Variants in ARHGAP42 observed in about 807,000 individuals in gnomAD.
ARHGAP42 encodes the protein rho GTPase-activating protein 42.
A neutral mutation model predicts 125.0 loss-of-function variants in ARHGAP42; 63 were observed. The observed-to-expected ratio is 0.50, with a 90% confidence interval of 0.41 to 0.62. The LOEUF is 0.62. Ranked by LOEUF, ARHGAP42 falls within the 20% of genes least tolerant of loss-of-function variation. ARHGAP42 has a pLI of 0.00. For synonymous variants in ARHGAP42, 339 were observed against 351.0 expected (o/e 0.97, Z 0.38); for missense variants, 766 against 1,024.2 (o/e 0.75, Z 3.44).
intron 1 of ARHGAP42, among the ~76,000 whole-genome samples, chr11:100,711,697 C>T (rs1861567840): frequency 1.3e-5 from 2 of 152,158 alleles, no homozygotes; most frequent in Non-Finnish European, 2.9e-5. Context: ...GAATATTTAT[C>T]CACAACCAAA....
At chr11:100,755,609 A>C (rs1051561264) in intron 1 of ARHGAP42, among the ~76,000 whole-genome samples, 5 of 152,184 alleles carry the variant, frequency 3.3e-5, no homozygotes, top group Non-Finnish European at 5.9e-5. Context: ...GCTGGTAGCC[A>C]TTGTCAGCTC....
At chr11:100,843,509 A>G (rs1864989481) in intron 3 of ARHGAP42, among the ~76,000 whole-genome samples, 1 of 152,134 alleles carries the variant, frequency 6.6e-6, no homozygotes, top group Non-Finnish European at 1.5e-5. Context: ...GAAGAAATCA[A>G]ACTGCCACTG....
intron 17 of ARHGAP42, among the ~76,000 whole-genome samples, chr11:100,969,534 C>T (rs1372656127): frequency 6.6e-6 from 1 of 152,002 alleles, no homozygotes; most frequent in East Asian, 1.9e-4. Flanking sequence ...GATGATCTAT[C>T]TTTCTTTATT....
chr11:100,867,852 A>T (rs1366664888), intron 4 of ARHGAP42, among the ~76,000 whole-genome samples: 2 of 152,176 alleles, frequency 1.3e-5, no homozygotes, highest in African/African-American at 4.8e-5. Flanking sequence ...TTTCAGTTGA[A>T]TACTTGGAAG....
intron 8 of ARHGAP42, 150 bp downstream of exon 8, chr11:100,936,482 C>A: frequency 9.0e-7 from 1 of 1,110,450 alleles, no homozygotes; most frequent in Non-Finnish European, 1.3e-6. Flanking sequence ...AAAGTGAGGA[C>A]GTTTTTCCGC....
At chr11:100,759,846 A>C (rs1862661891) in intron 1 of ARHGAP42, among the ~76,000 whole-genome samples, 1 of 152,158 alleles carries the variant, frequency 6.6e-6, no homozygotes, top group Non-Finnish European at 1.5e-5. Context: ...CCTTCTCCCC[A>C]ATTTTCAAAT....
chr11:100,760,772 G>A (rs1862683087), intron 1 of ARHGAP42, among the ~76,000 whole-genome samples: 1 of 152,070 alleles, frequency 6.6e-6, no homozygotes, highest in Non-Finnish European at 1.5e-5. Flanking sequence ...AAGAAGGACA[G>A]GATGGAGAAA....
At chr11:100,889,636 G>C (rs1322638600) in intron 4 of ARHGAP42, among the ~76,000 whole-genome samples, 2 of 152,174 alleles carry the variant, frequency 1.3e-5, no homozygotes, top group Non-Finnish European at 2.9e-5. Context: ...TAAGTGATCT[G>C]TTGGACACCC....
rs117618196 is a variant in ARHGAP42 at position 100,743,065 on chromosome 11, A to G, written c.155-27278A>G. Among the ~76,000 whole-genome samples the G allele has an allele frequency of 4.9e-4, 74 of 152,286 alleles. 2 individuals carry two copies. The East Asian group carries it at 0.01, about 21-fold the overall frequency. On this transcript the variant is annotated intron_variant, in intron 1 of 23. Coordinates refer to ENST00000298815, the MANE Select transcript of ARHGAP42 (RefSeq NM_152432.4). ...TAAGTGGAGCATTTAGGCCATTTAT[A>G]TTCAATATAAATATTGGGACTTGGA...
chr11:100,829,020 C>G (rs1209929069), intron 3 of ARHGAP42, among the ~76,000 whole-genome samples: 1 of 152,156 alleles, frequency 6.6e-6, no homozygotes, highest in African/African-American at 2.4e-5. Flanking sequence ...GGGCCTTATG[C>G]AAAGAGGAAT....
chr11:100,976,130 A>G lies in ARHGAP42; in HGVS notation c.1929A>G (p.Glu643=). 6.4e-7 allele frequency: 1 copy of G among 1,551,596 alleles called. No individual in the cohort carries two copies. The highest frequency in any genetic ancestry group is 8.7e-7 in the Non-Finnish European group (1 of 1,146,816). ...AGTCACTCTCTTCTCATTCCTCTGA[A>G]CAAAATAGCACTACAAAGTCAGCTT... The part of the protein sequence containing the change: ...SIESLSSHSS[E]QNSTTKSASC... Residue 643 remains glutamate (E), a synonymous_variant, in exon 20 of 24, where the codon GAA becomes GAG. Coordinates refer to ENST00000298815, the MANE Select transcript of ARHGAP42 (RefSeq NM_152432.4).
intron 4 of ARHGAP42, among the ~76,000 whole-genome samples, chr11:100,890,079 C>G (rs1444739334): frequency 6.6e-6 from 1 of 152,176 alleles, no homozygotes; most frequent in Non-Finnish European, 1.5e-5. Context: ...AAGGGAAGAT[C>G]ACTAGCTGAG....
intron 4 of ARHGAP42, among the ~76,000 whole-genome samples, chr11:100,910,616 G>C (rs927144774): frequency 1.4e-5 from 2 of 143,428 alleles, no homozygotes; most frequent in South Asian, 4.3e-4. Flanking sequence ...CAAGAGACAA[G>C]AGGTAGCTAT....
chr11:100,973,073 T>C (rs1858295319), intron 17 of ARHGAP42, 102 bp from the exon 18 acceptor site: 1 of 1,045,968 alleles, frequency 9.6e-7, no homozygotes, highest in Admixed American at 3.1e-5. Flanking sequence ...TTCCCTATAA[T>C]GGCATATTTT....
At chr11:100,816,845 C>T (rs1240610404) in intron 3 of ARHGAP42, 1 of 152,166 alleles carries the variant, frequency 6.6e-6, no homozygotes, top group African/African-American at 2.4e-5. Flanking sequence ...AGACAAGCCA[C>T]ATTGGAGAAT....
intron 1 of ARHGAP42, among the ~76,000 whole-genome samples, chr11:100,768,196 G>A (rs1307498836): frequency 6.6e-6 from 1 of 152,156 alleles, no homozygotes; most frequent in Non-Finnish European, 1.5e-5. Context: ...CACAACAGGT[G>A]TAAAGACTAT....
intron 2 of ARHGAP42, among the ~76,000 whole-genome samples, chr11:100,787,634 A>T (rs1172057857): frequency 6.6e-6 from 1 of 152,180 alleles, no homozygotes; most frequent in Non-Finnish European, 1.5e-5. Flanking sequence ...ATTGATAGAC[A>T]AGATTAAAGT....
chr11:100,911,631 A>C (rs564818449), intron 4 of ARHGAP42, among the ~76,000 whole-genome samples: 20 of 152,262 alleles, frequency 1.3e-4, no homozygotes, highest in African/African-American at 4.3e-4. Flanking sequence ...AGTTGTGGAC[A>C]TAAAGTGCCA....
chr11:100,790,015 T>C (rs1029473747), intron 2 of ARHGAP42, among the ~76,000 whole-genome samples: 1 of 152,224 alleles, frequency 6.6e-6, no homozygotes, highest in Non-Finnish European at 1.5e-5. Context: ...TGATCAATTG[T>C]TGAAACATTT....
Sources: allele counts gnomAD v4.1 joint callset (sites outside exome capture counted in the v4.1 genomes callset), GRCh38; gene constraint gnomAD v4.1.1; transcripts MANE v1.5; gene names NCBI Gene and HGNC (gene_info 2026-07-23, HGNC 2026-07-21).